The following AUTS2 variants were observed in gnomAD, a reference collection of about 807,000 sequenced individuals.
AUTS2 encodes activator of transcription and developmental regulator AUTS2, also known as autism susceptibility gene 2 protein.
AUTS2 carries 17 observed loss-of-function variants against 112.4 expected under a neutral mutation model. That is an observed-to-expected ratio of 0.15 (90% CI 0.10 to 0.23). AUTS2 has a LOEUF of 0.23. AUTS2 is among the 10% of genes least tolerant of loss of function. The probability of loss-of-function intolerance (pLI) is 1.00; values close to 1 mark genes in which losing one functional copy is unlikely to be tolerated. For synonymous variants in AUTS2, 751 were observed against 702.7 expected (o/e 1.07, Z -1.09); for missense variants, 1,510 against 1,701.6 (o/e 0.89, Z 1.98).
In AUTS2 at chr7:70,784,770, AAAAC is replaced by A. The variant is rs1166247415; in HGVS notation, c.2147-170_2147-167del. ...AAAAAAAAAAAAAAAAAAAAAAAAA[AAAAC>A]ACACATTTTCTTTTACCCTGTGTCT... On this transcript the variant is annotated intron_variant, in intron 15 of 18. Coordinates refer to ENST00000342771, the MANE Select transcript of AUTS2 (RefSeq NM_015570.4). 3.0e-3 allele frequency: 531 copies of A among 175,710 alleles called. 12 individuals are homozygous for A. Among genetic ancestry groups the A allele is most frequent in the South Asian group, 8.7e-3 (72 of 8,302 alleles). 10.9% of individuals were successfully genotyped at this position (175,710 alleles called of 1,614,324 possible).
At chr7:69,911,165 G>A (rs993641871) in intron 2 of AUTS2, among the ~76,000 whole-genome samples, 2 of 152,218 alleles carry the variant, frequency 1.3e-5, no homozygotes, top group Middle Eastern at 3.2e-3. Flanking sequence ...GCTGCGGCAG[G>A]GTGGGCAGCC....
chr7:69,929,459 T>C (rs1448945412), intron 2 of AUTS2, among the ~76,000 whole-genome samples: 1 of 152,060 alleles, frequency 6.6e-6, no homozygotes, highest in Non-Finnish European at 1.5e-5. Flanking sequence ...CCCCTTCTCT[T>C]CTGCTTTACC....
At chr7:69,990,287 C>G (rs1380679484) in intron 2 of AUTS2, among the ~76,000 whole-genome samples, 1 of 152,064 alleles carries the variant, frequency 6.6e-6, no homozygotes, top group African/African-American at 2.4e-5. Flanking sequence ...ATTTTGCGGT[C>G]AATTTGTTTT....
intron 4 of AUTS2, among the ~76,000 whole-genome samples, chr7:70,401,000 A>T (rs1794303924): frequency 6.6e-6 from 1 of 152,204 alleles, no homozygotes; most frequent in African/African-American, 2.4e-5. Flanking sequence ...TGCAACAACA[A>T]TCCCGGCAGG....
rs12670506 is a variant in AUTS2, at chr7:69,975,985, A to T, written c.522+76487A>T. Among the ~76,000 whole-genome samples, 322 of 152,038 alleles carry T rather than the reference A, an allele frequency of 2.1e-3. 3 individuals are homozygous for T. Among genetic ancestry groups the T allele is most frequent in the East Asian group, 6.0e-3 (31 of 5,180 alleles). On this transcript the variant is annotated intron_variant, in intron 2 of 18. Transcript: ENST00000342771. Reference sequence around the variant, plus strand: ...GAACCATCTCGCCCAGCTGATTTTTAAAAAAAATGCATTTTACTCTGGTAA... The same window carrying T: ...GAACCATCTCGCCCAGCTGATTTTTTAAAAAAATGCATTTTACTCTGGTAA...
At chr7:69,670,963 C>T (rs1796294448) in intron 1 of AUTS2, among the ~76,000 whole-genome samples, 1 of 152,152 alleles carries the variant, frequency 6.6e-6, no homozygotes, top group African/African-American at 2.4e-5. Flanking sequence ...AACCTGTTGG[C>T]CCAGAAACAT....
chr7:69,931,556 T>C (rs1024244313), intron 2 of AUTS2, among the ~76,000 whole-genome samples: 3 of 152,214 alleles, frequency 2.0e-5, no homozygotes, highest in African/African-American at 7.2e-5. Context: ...TAATCAGAGA[T>C]AGTCTTGGAG....
At chr7:70,667,253 C>A (rs1807398849) in intron 5 of AUTS2, among the ~76,000 whole-genome samples, 1 of 152,198 alleles carries the variant, frequency 6.6e-6, no homozygotes, top group Admixed American at 6.5e-5. Flanking sequence ...TTACTGTTTC[C>A]TACTTACTCA....
At chr7:70,363,632 G>T (rs980072927) in intron 4 of AUTS2, among the ~76,000 whole-genome samples, 1 of 151,736 alleles carries the variant, frequency 6.6e-6, no homozygotes, top group Non-Finnish European at 1.5e-5. Context: ...ATAACTCAAC[G>T]GGTATTTATA....
At chr7:69,964,357 G>A (rs1043112385) in intron 2 of AUTS2, among the ~76,000 whole-genome samples, 8 of 152,140 alleles carry the variant, frequency 5.3e-5, no homozygotes, top group African/African-American at 1.9e-4. Context: ...ACTAAATAGG[G>A]CACATGTGCT....
rs1157430301 is a variant in AUTS2 at position 69,716,234 on chromosome 7, G to A, written c.309+116272G>A. Among the ~76,000 whole-genome samples the A allele has an allele frequency of 3.9e-5, 6 of 151,956 alleles. No homozygotes were observed. The East Asian group carries it at 1.2e-3, about 29-fold the overall frequency. On this transcript the variant is annotated intron_variant, in intron 1 of 18. Transcript: ENST00000342771. ...TGTGTGTCTGTGTGTGTGTGTTTGTGTGTGTGTGTCTGTGTGTGTGTGTGT... is the reference window on the plus strand; with the variant it reads ...TGTGTGTCTGTGTGTGTGTGTTTGTATGTGTGTGTCTGTGTGTGTGTGTGT...
intron 4 of AUTS2, among the ~76,000 whole-genome samples, chr7:70,299,405 G>A (rs970515682): frequency 3.0e-4 from 46 of 152,110 alleles, no homozygotes; most frequent in African/African-American, 9.9e-4. Context: ...GATTTTGGTC[G>A]GATATTCATG....
At chr7:69,871,367 T>C (rs1793488254) in intron 1 of AUTS2, among the ~76,000 whole-genome samples, 2 of 152,150 alleles carry the variant, frequency 1.3e-5, no homozygotes, top group South Asian at 2.1e-4. Flanking sequence ...AACACACTTA[T>C]AGGGTAGTCC....
At chr7:70,508,138 C>T (rs1047612058) in intron 5 of AUTS2, among the ~76,000 whole-genome samples, 35 of 150,852 alleles carry the variant, frequency 2.3e-4, no homozygotes, top group Admixed American at 4.6e-4. Context: ...GCTCGGGCTA[C>T]GGGGAGCAGA....
chr7:69,782,125 G>T (rs1352078214), intron 1 of AUTS2, among the ~76,000 whole-genome samples: 5 of 152,296 alleles, frequency 3.3e-5, no homozygotes, highest in Non-Finnish European at 5.9e-5. Context: ...AGCAGTTTGG[G>T]AGGCTGAGGT....
At chr7:70,496,851 A>G (rs1238489617) in intron 5 of AUTS2, among the ~76,000 whole-genome samples, 1 of 122,526 alleles carries the variant, frequency 8.2e-6, no homozygotes, top group East Asian at 2.7e-4. Flanking sequence ...GTACACAGTC[A>G]CACACACACA....
chr7:69,633,103 C>A (rs1407628821), intron 1 of AUTS2, among the ~76,000 whole-genome samples: 2 of 152,134 alleles, frequency 1.3e-5, no homozygotes, highest in East Asian at 1.9e-4. Flanking sequence ...TTCCTTCCTA[C>A]CCCTAGTAAC....
At chr7:69,735,821 G>A (rs531006176) in intron 1 of AUTS2, among the ~76,000 whole-genome samples, 26 of 152,348 alleles carry the variant, frequency 1.7e-4, no homozygotes, top group South Asian at 1.2e-3. Context: ...CTAGCACAGA[G>A]GGCAGAGCTT....
chr7:70,788,536 G>A (rs903919844), intron 18 of AUTS2, among the ~76,000 whole-genome samples: 8 of 152,184 alleles, frequency 5.3e-5, no homozygotes, highest in African/African-American at 1.4e-4. Context: ...TAACCTGGCC[G>A]ACCCTAGGCC....
Sources: gnomAD v4.1 joint callset for allele counts (sites outside exome capture counted in the v4.1 genomes callset) on GRCh38, gnomAD v4.1.1 for gene constraint, MANE v1.5 for transcripts, NCBI Gene and HGNC (gene_info 2026-07-23, HGNC 2026-07-21) for gene names.